RBM48: variants seen among roughly 807,000 people sequenced by gnomAD.
RBM48 encodes the protein RNA binding motif protein 48.
In RBM48, 32 loss-of-function variants were observed where a neutral mutation model predicts 34.8. The observed-to-expected ratio is 0.92, with a 90% CI of 0.69 to 1.23. The LOEUF is 1.23. RBM48 is among the 50% of genes most tolerant of loss of function. The probability of loss-of-function intolerance (pLI) is 0.00; values close to 1 mark genes in which losing one functional copy is unlikely to be tolerated. For missense variants in RBM48, 441 were observed against 447.2 expected (o/e 0.99, Z 0.12); for synonymous variants, 151 against 156.2 (o/e 0.97, Z 0.25).
chr7:92,530,878 G>A (rs1361828843), intron 2 of RBM48, among the ~76,000 whole-genome samples: 13 of 151,912 alleles, frequency 8.6e-5, no homozygotes, highest in Non-Finnish European at 1.5e-4. Context: ...CCAGGAGTTC[G>A]AGACCAGACT....
chr7:92,534,083 A>G (rs1034125324), intron 3 of RBM48, among the ~76,000 whole-genome samples: 1 of 152,126 alleles, frequency 6.6e-6, no homozygotes, highest in African/African-American at 2.4e-5. Context: ...GTTATCTTAA[A>G]GTGGGGAGAA....
chr7:92,531,552 T>G (rs1027704674), intron 2 of RBM48, among the ~76,000 whole-genome samples: 16 of 152,218 alleles, frequency 1.1e-4, no homozygotes, highest in African/African-American at 3.9e-4. Context: ...TCTTGTGTGG[T>G]TTTCTCAGGC....
chr7:92,532,458 GTGCTA>G lies in RBM48; in HGVS notation c.362_366del (p.Tyr121SerfsTer4), dbSNP rs1277821006. 1.2e-6 allele frequency: 2 copies of G among 1,612,200 alleles called. No homozygotes were observed. Among genetic ancestry groups the G allele is most frequent in the Non-Finnish European group, 1.7e-6 (2 of 1,178,438 alleles). On this transcript the variant is annotated frameshift_variant, in exon 3 of 5. Transcript: ENST00000265732. LOFTEE classifies it high-confidence loss of function. ...GTTTCTTCGGTGGATTGCTTCATGT[GTGCTA>G]TGCTCCAGAATTTGAAACAGTTGAA...
Position 92,539,840 on chromosome 7 carries a change from C to A in RBM48, c.*2903C>A, listed in dbSNP as rs978611702. On this transcript the variant is annotated 3_prime_UTR_variant, in exon 5 of 5. Coordinates refer to ENST00000265732, the MANE Select transcript of RBM48 (RefSeq NM_032120.4). The stretch of plus-strand genomic sequence containing the variant: ...TTTTGTCAGATGCATACATGAAAAA[C>A]CTTCATAAGCACAAAGTACTCTATG... Among the ~76,000 whole-genome samples the A allele has an allele frequency of 3.9e-5, 6 of 152,160 alleles. No individual in the cohort carries two copies. The highest frequency in any genetic ancestry group is 2.6e-4 in the Admixed American group (4 of 15,268).
At position 92,532,529 on chromosome 7, in the gene RBM48, T is replaced by C; in HGVS notation, c.428T>C (p.Val143Ala). ...CTACAAATGCGGAAGGCATATGTAGTAAAAACTACTGAAAATAAAGGTATG... is the reference window on the plus strand; with the variant it reads ...CTACAAATGCGGAAGGCATATGTAGCAAAAACTACTGAAAATAAAGGTATG... ...KKLQMRKAYVVKTTENKDHYV... is the reference protein window; with the variant it reads ...KKLQMRKAYVAKTTENKDHYV... Residue 143 changes from valine to alanine, a missense_variant, in exon 3 of 5, where the codon GTA becomes GCA. Coordinates refer to ENST00000265732, the MANE Select transcript of RBM48 (RefSeq NM_032120.4). The C allele has an allele frequency of 6.2e-7, 1 of 1,611,266 alleles. No individual in the cohort carries two copies. Among genetic ancestry groups the C allele is most frequent in the Non-Finnish European group, 8.5e-7 (1 of 1,178,752 alleles).
chr7:92,538,237 C>G lies in RBM48; in HGVS notation c.*1300C>G, dbSNP rs1202076498. ...AACCGTGCTCCCTGAAGAAAAAGTT[C>G]CTGGTCCTTTTAAGGGCTTACAACT... On this transcript the variant is annotated 3_prime_UTR_variant, in exon 5 of 5. Transcript: ENST00000265732. 6.6e-6 allele frequency among the ~76,000 whole-genome samples: 1 copy of G among 152,160 alleles called. No homozygotes were observed. The highest frequency in any genetic ancestry group is 1.5e-5 in the Non-Finnish European group (1 of 68,028).
intron 4 of RBM48, chr7:92,535,787 GTAT>G (rs1306090441): frequency 1.0e-6 from 1 of 970,230 alleles, no homozygotes; most frequent in Non-Finnish European, 1.2e-6. Flanking sequence ...CTGATTAAAG[GTAT>G]TATTTAATAA....
rs185267041 is a variant in RBM48 at position 92,539,754 on chromosome 7, C to T, written c.*2817C>T. Among the ~76,000 whole-genome samples, 1 of 152,272 alleles carries T rather than the reference C, an allele frequency of 6.6e-6. No homozygotes were observed. On this transcript the variant is annotated 3_prime_UTR_variant, in exon 5 of 5. Transcript: ENST00000265732. ...AAAAGCATAGTTGATAAAGGAAGAA[C>T]ATGTAAGGCAATTTTATGAGCCAAA...
In RBM48 at chr7:92,538,284, G is replaced by C. The variant is rs975670966; in HGVS notation, c.*1347G>C. On this transcript the variant is annotated 3_prime_UTR_variant, in exon 5 of 5. Transcript: ENST00000265732. ...AACTGTAAGAGGGTCTGCGTGAAAG[G>C]GTTGTGATAGACGGAGCAAGTGATC... Among the ~76,000 whole-genome samples, 1 of 152,194 alleles carries C rather than the reference G, an allele frequency of 6.6e-6. No individual in the cohort carries two copies. Among genetic ancestry groups the C allele is most frequent in the Non-Finnish European group, 1.5e-5 (1 of 68,032 alleles).
At chr7:92,534,254 A>T in intron 3 of RBM48, 148 bp from the exon 4 acceptor site, 1 of 1,182,888 alleles carries the variant, frequency 8.5e-7, no homozygotes, top group Non-Finnish European at 1.2e-6. Context: ...AACCATGTGA[A>T]TATATACCCT....
chr7:92,532,931 T>G (rs144448645), intron 3 of RBM48, among the ~76,000 whole-genome samples: 1 of 152,340 alleles, frequency 6.6e-6, no homozygotes, highest in African/African-American at 2.4e-5. Flanking sequence ...CAGTGAGAGA[T>G]AAGTTTAGAA....
At chr7:92,530,945 G>T (rs116522719) in intron 2 of RBM48, among the ~76,000 whole-genome samples, 3,352 of 152,200 alleles carry the variant, frequency 0.022, 161 homozygotes, top group African/African-American at 0.077. Flanking sequence ...AGCTGGGTGT[G>T]TTGGTGCATT....
chr7:92,532,631 G>A, intron 3 of RBM48, 82 bp downstream of exon 3: 1 of 983,428 alleles, frequency 1.0e-6, no homozygotes, highest in South Asian at 1.6e-5. Context: ...CAGTCTAGTG[G>A]TAGGAGAGGC....
rs549406953 is a variant in RBM48, at chr7:92,535,727, AG to A, written c.1017+759del. ...TCATATTTTACAATGTGATTAAGGGAGGCTAAGGTAGTTTAATTTCATATAT... is the reference window on the plus strand; with the variant it reads ...TCATATTTTACAATGTGATTAAGGGAGCTAAGGTAGTTTAATTTCATATAT... On this transcript the variant is annotated intron_variant, in intron 4 of 4. Transcript: ENST00000265732. 100 of 983,348 alleles carry A rather than the reference AG, an allele frequency of 1.0e-4. 2 individuals carry two copies. In the East Asian group the frequency reaches 3.2e-3, roughly 31 times the overall value. The allele number at this position is 983,348 out of a possible 1,614,324, so 60.9% of individuals were successfully genotyped here.
At position 92,539,922 on chromosome 7, in the gene RBM48, A is replaced by G. The variant is rs1293290614; in HGVS notation, c.*2985A>G. On this transcript the variant is annotated 3_prime_UTR_variant, in exon 5 of 5. Transcript: ENST00000265732. ...TGTATTGAAAGAGATCAAGTGTTCT[A>G]GCAGTTTGTGGTGTACTTGCTGAAA... Among the ~76,000 whole-genome samples, 1 of 152,228 alleles carries G rather than the reference A, an allele frequency of 6.6e-6. No homozygotes were observed. Among genetic ancestry groups the G allele is most frequent in the Non-Finnish European group, 1.5e-5 (1 of 68,042 alleles).
Position 92,533,543 on chromosome 7 carries a change from C to T in RBM48, c.449-859C>T, listed in dbSNP as rs570692992. Among the ~76,000 whole-genome samples, 662 of 152,312 alleles carry T rather than the reference C, an allele frequency of 4.3e-3. 2 individuals are homozygous for T. The highest frequency in any genetic ancestry group is 7.4e-3 in the Non-Finnish European group (502 of 68,024). On this transcript the variant is annotated intron_variant, in intron 3 of 4. Coordinates refer to ENST00000265732, the MANE Select transcript of RBM48 (RefSeq NM_032120.4). ...ATCTTCATTATTTGCTCCCCTTCCT[C>T]TTAAGACCTTTTTGCTGTGCTGCTG...
At chr7:92,529,248 G>T in intron 1 of RBM48, 1 of 572,662 alleles carries the variant, frequency 1.7e-6, no homozygotes, top group Non-Finnish European at 3.1e-6. Flanking sequence ...TCAATTTCTG[G>T]AAAAAAATGT....
At chr7:92,535,200 C>G in intron 4 of RBM48, 1 of 1,400,722 alleles carries the variant, frequency 7.1e-7, no homozygotes, top group South Asian at 1.7e-5. Context: ...ACTGTAGATA[C>G]AAAATATTAA....
intron 3 of RBM48, among the ~76,000 whole-genome samples, chr7:92,533,210 C>T (rs1793619041): frequency 6.6e-6 from 1 of 152,140 alleles, no homozygotes; most frequent in Admixed American, 6.5e-5. Flanking sequence ...TTGAGAATCC[C>T]CAGTCATCTG....
Sources: allele counts gnomAD v4.1 joint callset (sites outside exome capture counted in the v4.1 genomes callset), GRCh38; gene constraint gnomAD v4.1.1; transcripts MANE v1.5; gene names NCBI Gene and HGNC (gene_info 2026-07-23, HGNC 2026-07-21).